KLHL29: variants seen among roughly 807,000 people sequenced by gnomAD.
KLHL29 encodes the protein kelch like family member 29.
KLHL29 carries 21 observed loss-of-function variants against 80.4 expected under a neutral mutation model. The ratio of observed to expected loss-of-function variants is 0.26; its 90% CI spans 0.19 to 0.38. The LOEUF (loss-of-function observed/expected upper bound fraction) is 0.38. Among genes scored for constraint, KLHL29 ranks in the 10% least tolerant of loss-of-function variants. The pLI, the probability that KLHL29 is intolerant of heterozygous loss-of-function variation, is 1.00. For synonymous variants in KLHL29, 511 were observed against 526.8 expected (o/e 0.97, Z 0.41); for missense variants, 867 against 1,223.9 (o/e 0.71, Z 4.35).
At chr2:23,422,381 GTC>G (rs938358004) in intron 1 of KLHL29, among the ~76,000 whole-genome samples, 10 of 151,732 alleles carry the variant, frequency 6.6e-5, no homozygotes, top group African/African-American at 2.4e-4. Flanking sequence ...GTCTGTGTGT[GTC>G]TCTGTATTTT....
intron 2 of KLHL29, among the ~76,000 whole-genome samples, chr2:23,545,992 T>A (rs1246408837): frequency 6.6e-6 from 1 of 152,184 alleles, no homozygotes; most frequent in East Asian, 1.9e-4. Flanking sequence ...CCTCTGTAAA[T>A]GGACTGCCTG....
At chr2:23,559,862 T>A (rs1170287972) in intron 2 of KLHL29, among the ~76,000 whole-genome samples, 1 of 151,970 alleles carries the variant, frequency 6.6e-6, no homozygotes, top group Admixed American at 6.6e-5. Flanking sequence ...GAGCCCCAGC[T>A]TTTTAAGAAT....
chr2:23,699,147 A>G (rs1572527315), intron 11 of KLHL29, among the ~76,000 whole-genome samples: 2 of 152,218 alleles, frequency 1.3e-5, no homozygotes, highest in African/African-American at 4.8e-5. Context: ...TGGACGTCAC[A>G]TCACCCTCGC....
rs561484507 is a variant in KLHL29 at position 23,548,851 on chromosome 2, G to A, written c.-45-13301G>A. Among the ~76,000 whole-genome samples, 5 of 152,284 alleles carry A rather than the reference G, an allele frequency of 3.3e-5. No individual in the cohort carries two copies. The East Asian group carries it at 7.7e-4, about 24-fold the overall frequency. ...ACTGACCCTGATTGAGTCTTCCGGG[G>A]GCTATGTGGGCCCTCCTCTGTTACA... is the stretch of plus-strand genomic sequence containing the variant. On this transcript the variant is annotated intron_variant, in intron 2 of 13. Transcript: ENST00000486442.
intron 2 of KLHL29, among the ~76,000 whole-genome samples, chr2:23,521,150 T>G (rs1310776359): frequency 6.6e-6 from 1 of 152,160 alleles, no homozygotes; most frequent in Non-Finnish European, 1.5e-5. Context: ...CCATGTGGTG[T>G]GGGATACATG....
chr2:23,411,135 G>A (rs1168831288), intron 1 of KLHL29, among the ~76,000 whole-genome samples: 3 of 152,206 alleles, frequency 2.0e-5, no homozygotes, highest in African/African-American at 4.8e-5. Flanking sequence ...ACAAGATGGG[G>A]TTATAATGTC....
chr2:23,440,828 A>C (rs1663495860), intron 1 of KLHL29, among the ~76,000 whole-genome samples: 1 of 152,150 alleles, frequency 6.6e-6, no homozygotes, highest in South Asian at 2.1e-4. Flanking sequence ...GTCAGGAAAC[A>C]ACAGGTGCTG....
At chr2:23,597,303 A>ATGTGTGTGTGTGTGTGTGTG (rs1178808276) in intron 3 of KLHL29, among the ~76,000 whole-genome samples, 4 of 82,222 alleles carry the variant, frequency 4.9e-5, no homozygotes, top group East Asian at 1.1e-3. Flanking sequence ...TCTCATATAT[A>ATGTGTGTGTGTGTGTGTGTG]TATATATGTG....
At chr2:23,441,406 C>G in intron 1 of KLHL29, among the ~76,000 whole-genome samples, 1 of 151,430 alleles carries the variant, frequency 6.6e-6, no homozygotes, top group East Asian at 1.9e-4. Context: ...GTGCAGCACA[C>G]CAGCATGGCA....
At chr2:23,698,697 A>G (rs187546203) in intron 11 of KLHL29, among the ~76,000 whole-genome samples, 48 of 152,304 alleles carry the variant, frequency 3.2e-4, no homozygotes, top group African/African-American at 1.1e-3. Context: ...TTATAGCAAT[A>G]TATTGCAGTC....
intron 3 of KLHL29, among the ~76,000 whole-genome samples, chr2:23,631,229 C>T (rs938284640): frequency 1.3e-5 from 2 of 152,206 alleles, no homozygotes; most frequent in Admixed American, 1.3e-4. Flanking sequence ...CCTCTGCCCC[C>T]ACCCAGGCTC....
chr2:23,605,107 CTTTTTTTTT>C (rs386389703), intron 3 of KLHL29, among the ~76,000 whole-genome samples: 14 of 92,478 alleles, frequency 1.5e-4, no homozygotes, highest in African/African-American at 5.5e-4. Context: ...TCCTTTGTTG[CTTTTTTTTT>C]TTTTTTTTTT....
At chr2:23,558,698 C>T (rs558390477) in intron 2 of KLHL29, among the ~76,000 whole-genome samples, 3 of 152,232 alleles carry the variant, frequency 2.0e-5, no homozygotes, top group Non-Finnish European at 2.9e-5. Context: ...GCCCCCACGC[C>T]CAGGCTAAGG....
chr2:23,434,807 G>C (rs547142482), intron 1 of KLHL29, among the ~76,000 whole-genome samples: 5 of 152,254 alleles, frequency 3.3e-5, no homozygotes, highest in Admixed American at 2.0e-4. Flanking sequence ...GGGCCCGTGG[G>C]CAGTCAGTCC....
chr2:23,703,500 A>T, intron 12 of KLHL29, 121 bp downstream of exon 12: 3 of 1,081,454 alleles, frequency 2.8e-6, no homozygotes, highest in Non-Finnish European at 3.9e-6. Context: ...CCAGATCTAG[A>T]GGGTGGCAGG....
intron 1 of KLHL29, among the ~76,000 whole-genome samples, chr2:23,467,924 C>A (rs1454058345): frequency 6.6e-6 from 1 of 151,758 alleles, no homozygotes; most frequent in Non-Finnish European, 1.5e-5. Context: ...CCTCCGTGCC[C>A]ACTTCTTTGG....
chr2:23,681,946 C>T lies in KLHL29; in HGVS notation c.941-2453C>T, dbSNP rs981459474. ...CTCCGCCTGGGCTGTGCGCAGGCGC[C>T]GCTGGGCTCTCTACCTTGTCTCTAG... is the stretch of plus-strand genomic sequence containing the variant. On this transcript the variant is annotated intron_variant, in intron 5 of 13. Transcript: ENST00000486442. This position sits in a 1 kb window ranked among gnomAD's most constrained non-coding sequence, Gnocchi z 4.2. Among the ~76,000 whole-genome samples the T allele has an allele frequency of 2.6e-5, 4 of 152,146 alleles. No individual in the cohort carries two copies. The highest frequency in any genetic ancestry group is 1.9e-4 in the East Asian group (1 of 5,188).
intron 2 of KLHL29, among the ~76,000 whole-genome samples, chr2:23,560,941 A>G (rs528794207): frequency 4.6e-5 from 7 of 152,244 alleles, no homozygotes; most frequent in Non-Finnish European, 1.0e-4. Flanking sequence ...TCCACTGGCC[A>G]ACAATTCCAG....
intron 5 of KLHL29, among the ~76,000 whole-genome samples, chr2:23,665,672 C>T (rs561562711): frequency 1.3e-5 from 2 of 152,304 alleles, no homozygotes; most frequent in African/African-American, 4.8e-5. Flanking sequence ...AGCTTCCACT[C>T]ATGGTGGAGA....
Sources: gnomAD v4.1 joint callset for allele counts (sites outside exome capture counted in the v4.1 genomes callset) on GRCh38, gnomAD v4.1.1 for gene constraint, Gnocchi (gnomAD v3.1) non-coding constraint, MANE v1.5 for transcripts, NCBI Gene and HGNC (gene_info 2026-07-23, HGNC 2026-07-21) for gene names.